The following MAP3K13 variants were observed in gnomAD, a reference collection of about 807,000 sequenced individuals.
MAP3K13 encodes leucine zipper-bearing kinase.
A neutral mutation model predicts 104.0 loss-of-function variants in MAP3K13; 52 were observed. The observed-to-expected ratio is 0.50, with a 90% CI of 0.40 to 0.63. The LOEUF (loss-of-function observed/expected upper bound fraction) is 0.63. Among genes scored for constraint, MAP3K13 ranks in the 20% least tolerant of loss-of-function variants. The pLI, the probability that MAP3K13 is intolerant of heterozygous loss-of-function variation, is 0.00. For synonymous variants in MAP3K13, 394 were observed against 442.2 expected (o/e 0.89, Z 1.37); for missense variants, 914 against 1,218.5 (o/e 0.75, Z 3.72).
At chr3:185,455,372 GATATATATGATATATATATC>G (rs1274103289) in intron 7 of MAP3K13, among the ~76,000 whole-genome samples, 1 of 74,858 alleles carries the variant, frequency 1.3e-5, no homozygotes, top group Non-Finnish European at 2.6e-5. Context: ...AGATATATAT[GATATATATGATATATATATC>G]ATATATGAGA....
chr3:185,442,604 G>A (rs953751506), intron 3 of MAP3K13, among the ~76,000 whole-genome samples: 1 of 151,362 alleles, frequency 6.6e-6, no homozygotes, highest in African/African-American at 2.4e-5. Context: ...CACGATCTTG[G>A]CTCACTGCAA....
chr3:185,377,033 T>C (rs1381414045), intron 1 of MAP3K13, among the ~76,000 whole-genome samples: 1 of 152,012 alleles, frequency 6.6e-6, no homozygotes, highest in African/African-American at 2.4e-5. Context: ...CAGAATAGAA[T>C]ACTGGGTTGT....
In MAP3K13 at chr3:185,483,262, T is replaced by C. The variant is rs1718563773; in HGVS notation, c.*806T>C. 4.3e-6 allele frequency: 1 copy of C among 232,670 alleles called. No homozygotes were observed. Among genetic ancestry groups the C allele is most frequent in the Admixed American group, 5.6e-5 (1 of 17,764 alleles). 14.4% of individuals were successfully genotyped at this position (232,670 alleles called of 1,614,324 possible). A position where few individuals can be genotyped will look rare whatever the true frequency, so the allele number is the denominator to read the frequency against. On this transcript the variant is annotated 3_prime_UTR_variant, in exon 14 of 14. Transcript: ENST00000265026. Reference sequence around the variant, plus strand: ...GTTTACAGATAGTGTCAAATCTTGTTTTTGGCAAATACGTCCCTTTTTAGT... The same window carrying C: ...GTTTACAGATAGTGTCAAATCTTGTCTTTGGCAAATACGTCCCTTTTTAGT...
Position 185,488,198 on chromosome 3 carries a change from C to A in MAP3K13, c.*5742C>A, listed in dbSNP as rs1718811471. ...TCATGTACCAAAACAATGTGACATT[C>A]TTTTCGAGACTTTGACTTGTACGGT... On this transcript the variant is annotated 3_prime_UTR_variant, in exon 14 of 14. Coordinates refer to ENST00000265026, the MANE Select transcript of MAP3K13 (RefSeq NM_004721.5). The A allele has an allele frequency of 6.6e-6, 1 of 152,212 alleles. No individual in the cohort carries two copies. The highest frequency in any genetic ancestry group is 2.4e-5 in the African/African-American group (1 of 41,452). The allele number at this position is 152,212 out of a possible 1,614,324, so 9.4% of individuals were successfully genotyped here.
At chr3:185,363,871 G>A (rs1162777177) in intron 1 of MAP3K13, among the ~76,000 whole-genome samples, 2 of 152,206 alleles carry the variant, frequency 1.3e-5, no homozygotes, top group Non-Finnish European at 2.9e-5. Flanking sequence ...ATTTGGTGAA[G>A]ATGAATACTT....
At chr3:185,321,040 G>GCA (rs1412812606) in intron 2 of MAP3K13, among the ~76,000 whole-genome samples, 6 of 60,782 alleles carry the variant, frequency 9.9e-5, no homozygotes, top group African/African-American at 2.5e-4. Flanking sequence ...TATATTATAT[G>GCA]CGTGCACACA....
chr3:185,365,901 C>T (rs1185829308), intron 1 of MAP3K13, among the ~76,000 whole-genome samples: 20 of 63,436 alleles, frequency 3.2e-4, no homozygotes, highest in African/African-American at 1.3e-3. Context: ...CCTCCCCTCC[C>T]CTCCCCTCTC....
At chr3:185,402,174 A>G (rs770377829) in intron 1 of MAP3K13, among the ~76,000 whole-genome samples, 10 of 152,202 alleles carry the variant, frequency 6.6e-5, no homozygotes, top group Non-Finnish European at 1.2e-4. Flanking sequence ...GTCCTAGGAA[A>G]GACGCCACTG....
At position 185,450,539 on chromosome 3, in the gene MAP3K13, G is replaced by T. The variant is rs1715823110; in HGVS notation, c.1169+481G>T. 2.0e-5 allele frequency among the ~76,000 whole-genome samples: 3 copies of T among 152,072 alleles called. No individual in the cohort carries two copies. In the South Asian group the frequency reaches 6.2e-4, roughly 32 times the overall value. On this transcript the variant is annotated intron_variant, in intron 6 of 13. Coordinates refer to ENST00000265026, the MANE Select transcript of MAP3K13 (RefSeq NM_004721.5). The surrounding 1 kb of genome is among the most constrained non-coding windows in gnomAD (Gnocchi z 4.2). ...TCCAACACTTTGGCTGGCAGAGATG[G>T]GAGGATCACTTGAGGCGAGGAGTTC...
At chr3:185,431,686 A>G (rs552672034) in intron 2 of MAP3K13, among the ~76,000 whole-genome samples, 1 of 152,236 alleles carries the variant, frequency 6.6e-6, no homozygotes, top group African/African-American at 2.4e-5. Flanking sequence ...CATCTCTTTT[A>G]GTCAAGACTG....
chr3:185,443,661 G>T, intron 4 of MAP3K13, 25 bp downstream of exon 4: 1 of 1,599,000 alleles, frequency 6.3e-7, no homozygotes, highest in Non-Finnish European at 8.6e-7. Context: ...TAATGTTTCA[G>T]CTATTTTGGT....
At chr3:185,338,960 C>T (rs1196635228) in intron 2 of MAP3K13, among the ~76,000 whole-genome samples, 1 of 151,968 alleles carries the variant, frequency 6.6e-6, no homozygotes, top group East Asian at 1.9e-4. Context: ...AACAAGAGCA[C>T]AAAAGGTGGA....
At chr3:185,413,437 T>C (rs1351102103) in intron 1 of MAP3K13, among the ~76,000 whole-genome samples, 1 of 152,228 alleles carries the variant, frequency 6.6e-6, no homozygotes, top group African/African-American at 2.4e-5. Context: ...GAATGAAATC[T>C]TTATTTTATT....
At chr3:185,397,661 G>T (rs1712506032) in intron 1 of MAP3K13, among the ~76,000 whole-genome samples, 1 of 151,838 alleles carries the variant, frequency 6.6e-6, no homozygotes, top group African/African-American at 2.4e-5. Flanking sequence ...AAATAGGACT[G>T]TTTTTTTCTT....
chr3:185,314,354 G>A (rs1213695588), intron 2 of MAP3K13, among the ~76,000 whole-genome samples: 5 of 152,144 alleles, frequency 3.3e-5, no homozygotes, highest in African/African-American at 1.2e-4. Flanking sequence ...AGTGGCTCAC[G>A]CCTGTAATCC....
At chr3:185,432,435 C>T (rs939709304) in intron 2 of MAP3K13, among the ~76,000 whole-genome samples, 5 of 152,130 alleles carry the variant, frequency 3.3e-5, no homozygotes, top group African/African-American at 1.2e-4. Context: ...AGGTGATCTA[C>T]CTGCCTCGGC....
At chr3:185,368,531 A>G (rs757563113) in intron 1 of MAP3K13, among the ~76,000 whole-genome samples, 2 of 152,180 alleles carry the variant, frequency 1.3e-5, no homozygotes, top group East Asian at 3.9e-4. Flanking sequence ...TTGGAGGTAA[A>G]TGAGGATTAT....
intron 2 of MAP3K13, among the ~76,000 whole-genome samples, chr3:185,351,818 C>T (rs1723149265): frequency 6.6e-6 from 1 of 152,198 alleles, no homozygotes; most frequent in Admixed American, 6.5e-5. Flanking sequence ...AAAGGAAGAA[C>T]ACTCATCATT....
chr3:185,382,358 T>G (rs558049688), intron 1 of MAP3K13, among the ~76,000 whole-genome samples: 1 of 152,188 alleles, frequency 6.6e-6, no homozygotes, highest in Non-Finnish European at 1.5e-5. Flanking sequence ...CGGACCATGG[T>G]TGACCAAGGT....
Sources: gnomAD v4.1 joint callset for allele counts (sites outside exome capture counted in the v4.1 genomes callset) on GRCh38, gnomAD v4.1.1 for gene constraint, Gnocchi (gnomAD v3.1) non-coding constraint, MANE v1.5 for transcripts, NCBI Gene and HGNC (gene_info 2026-07-23, HGNC 2026-07-21) for gene names.